ARAP2: variants seen among roughly 807,000 people sequenced by gnomAD.
ARAP2 encodes the protein arf-GAP with Rho-GAP domain, ANK repeat and PH domain-containing protein 2.
ARAP2 carries 148 observed loss-of-function variants against 194.5 expected under a neutral mutation model. The observed-to-expected ratio is 0.76, with a 90% CI of 0.67 to 0.87. The LOEUF is 0.87. Ranked by LOEUF, ARAP2 falls within the 40% of genes least tolerant of loss-of-function variation. The pLI is 0.00. For synonymous variants in ARAP2, 695 were observed against 683.5 expected, an observed-to-expected ratio of 1.02 and a Z score of -0.26; for missense variants, 2,128 against 1,989.7, an observed-to-expected ratio of 1.07 and a Z score of -1.32.
rs1185067882 is a variant in ARAP2 at position 36,212,416 on chromosome 4, G to C, written c.1113C>G (p.Asn371Lys). The C allele has an allele frequency of 5.6e-6, 9 of 1,611,626 alleles. No individual in the cohort carries two copies. Among genetic ancestry groups the C allele is most frequent in the Admixed American group, 1.7e-5 (1 of 59,898 alleles). Residue 371 changes from asparagine (N) to lysine (K), a missense_variant, in exon 5 of 33, where the codon AAC (asparagine) becomes AAG (lysine). Transcript: ENST00000303965. Reference protein sequence around the residue: ...ALKGEAATATNSFIIKSSIYD... With the variant: ...ALKGEAATATKSFIIKSSIYD... ...CATACCTTGATTTGATGATAAAAGA[G>C]TTTGTTGCAGTAGCTGCTTCCCCTT...
At chr4:36,092,684 G>C (rs1249322544) in intron 27 of ARAP2, among the ~76,000 whole-genome samples, 1 of 152,042 alleles carries the variant, frequency 6.6e-6, no homozygotes, top group Non-Finnish European at 1.5e-5. Flanking sequence ...TTTGGATATT[G>C]GATATGTGAT....
At chr4:36,115,782 T>A (rs1024229081) in intron 25 of ARAP2, among the ~76,000 whole-genome samples, 13 of 151,984 alleles carry the variant, frequency 8.6e-5, no homozygotes, top group African/African-American at 3.1e-4. Context: ...TTTTGCAGAA[T>A]CATAAGCATT....
At chr4:36,044,890 C>G (rs572812715) in intron 5 of ARAP2, among the ~76,000 whole-genome samples, 1 of 151,490 alleles carries the variant, frequency 6.6e-6, no homozygotes, top group Non-Finnish European at 1.5e-5. Context: ...ACCAAAGAAC[C>G]TGAATAGACA....
chr4:36,207,439 T>G (rs545682099), intron 6 of ARAP2, among the ~76,000 whole-genome samples: 4 of 152,344 alleles, frequency 2.6e-5, no homozygotes, highest in African/African-American at 9.6e-5. Flanking sequence ...CAATCAAATA[T>G]TTAAACAACT....
At position 36,214,451 on chromosome 4, in the gene ARAP2, G is replaced by GTAGCAACA. The variant is rs776701220; in HGVS notation, c.927_934dup (p.Thr312MetfsTer35). ...CCATGCCACAGATTTTTCAGTTGAGGTAGCAACATTTCTTCTTTCACGGAA... is the reference window on the plus strand; with the variant it reads ...CCATGCCACAGATTTTTCAGTTGAGGTAGCAACATAGCAACATTTCTTCTTTCACGGAA... On this transcript the variant is annotated frameshift_variant, in exon 3 of 33. Transcript: ENST00000303965. LOFTEE classifies it high-confidence loss of function. 2 of 1,593,386 alleles carry GTAGCAACA rather than the reference G, an allele frequency of 1.3e-6. No individual in the cohort carries two copies. The highest frequency in any genetic ancestry group is 1.1e-5 in the South Asian group (1 of 88,126).
chr4:36,159,462 A>G lies in ARAP2; in HGVS notation c.2486T>C (p.Met829Thr). The change falls in exon 14 of 33, where the codon ATG (methionine) becomes ACG (threonine). Residue 829 changes from methionine (M) to threonine (T), a missense_variant. Coordinates refer to ENST00000303965, the MANE Select transcript of ARAP2 (RefSeq NM_015230.4). ...ATCTGCTCCACTGAACAGCAAAGCC[A>G]TTGTTTCTAGAACATCCGGTTTCAC... is the stretch of plus-strand genomic sequence containing the variant. ...AVVKPDVLET[M>T]ALLFSGADVM... 1.3e-6 allele frequency: 2 copies of G among 1,595,960 alleles called. 1 individual carries two copies. Among genetic ancestry groups the G allele is most frequent in the Middle Eastern group, 3.3e-4 (2 of 5,988 alleles).
At chr4:36,083,708 TG>T (rs1414616739) in intron 28 of ARAP2, among the ~76,000 whole-genome samples, 2 of 152,152 alleles carry the variant, frequency 1.3e-5, no homozygotes, top group African/African-American at 4.8e-5. Context: ...GACATGCACA[TG>T]GCTCTATAAT....
chr4:36,228,775 C>G lies in ARAP2; in HGVS notation c.712G>C (p.Glu238Gln). 1 of 1,614,108 alleles carries G rather than the reference C, an allele frequency of 6.2e-7. No homozygotes were observed. The highest frequency in any genetic ancestry group is 8.5e-7 in the Non-Finnish European group (1 of 1,180,012). The change falls in exon 2 of 33, where the codon GAA becomes CAA. Residue 238 changes from glutamate to glutamine, a missense_variant. Glu to Gln is a conservative substitution (Grantham distance 29). Coordinates refer to ENST00000303965, the MANE Select transcript of ARAP2 (RefSeq NM_015230.4). ...AAGAATGGGGATGGTGGTGATCCTT[C>G]TAATAAACCATTTGTTCCATTTCCA... ...NSGNGTNGLL[E>Q]GSPPSPFFKF...
chr4:36,121,381 G>A, intron 22 of ARAP2, 55 bp from the exon 23 acceptor site: 1 of 1,471,332 alleles, frequency 6.8e-7, no homozygotes, highest in East Asian at 2.4e-5. Context: ...AAATTTCATA[G>A]AACAGAAAGC....
intron 3 of ARAP2, among the ~76,000 whole-genome samples, chr4:36,048,855 TC>T (rs1722221403): frequency 6.6e-6 from 1 of 152,134 alleles, no homozygotes; most frequent in Admixed American, 6.5e-5. Context: ...CATTCCCTTT[TC>T]TCTGCAGCCT....
At chr4:36,016,327 A>G (rs1319567298) in intron 6 of ARAP2, among the ~76,000 whole-genome samples, 2 of 152,286 alleles carry the variant, frequency 1.3e-5, no homozygotes, top group East Asian at 3.9e-4. Context: ...CTTCAGGATA[A>G]TGTTTACCTC....
Position 36,160,576 on chromosome 4 carries a change from T to G in ARAP2, c.2325A>C (p.Glu775Asp). ...CTACTGGTGAGTCCATATGTAATTC[T>G]TCATCCTTTTGAAGATTACCAGCCC... ...DFWAGNLQKD[E>D]ELHMDSPVEK... Residue 775 changes from glutamate (E) to aspartate (D), a missense_variant, in exon 13 of 33, where the codon GAA becomes GAC. Transcript: ENST00000303965. 6.5e-7 allele frequency: 1 copy of G among 1,542,250 alleles called. No homozygotes were observed. The highest frequency in any genetic ancestry group is 1.4e-5 in the African/African-American group (1 of 70,280).
chr4:36,141,903 G>T (rs1276782813), intron 19 of ARAP2, among the ~76,000 whole-genome samples: 1 of 151,554 alleles, frequency 6.6e-6, no homozygotes. Flanking sequence ...TACCATTGCT[G>T]ACAGTCATCA....
intron 29 of ARAP2, among the ~76,000 whole-genome samples, chr4:36,082,920 T>C (rs1481810163): frequency 2.0e-5 from 3 of 152,092 alleles, no homozygotes; most frequent in Non-Finnish European, 4.4e-5. Context: ...AAAGTCAGCA[T>C]AGTAAAAAGG....
intron 32 of ARAP2, 81 bp from the exon 33 acceptor site, chr4:36,068,359 T>A (rs1726007455): frequency 7.1e-7 from 1 of 1,400,052 alleles, no homozygotes; most frequent in Admixed American, 2.6e-5. Flanking sequence ...ACATAAAAGT[T>A]GATGCTTCCT....
chr4:36,030,291 T>C (rs910671974), intron 5 of ARAP2, among the ~76,000 whole-genome samples: 6 of 152,122 alleles, frequency 3.9e-5, no homozygotes, highest in Non-Finnish European at 7.4e-5. Flanking sequence ...CAAAGTTATT[T>C]TTCTTTGTAA....
At chr4:36,193,183 A>T (rs1742329589) in intron 7 of ARAP2, among the ~76,000 whole-genome samples, 1 of 152,208 alleles carries the variant, frequency 6.6e-6, no homozygotes, top group African/African-American at 2.4e-5. Context: ...ATGTTGCAGT[A>T]TGTGTTACTG....
At chr4:36,150,797 A>G in intron 16 of ARAP2, 103 bp downstream of exon 16, 1 of 1,287,780 alleles carries the variant, frequency 7.8e-7, no homozygotes, top group Non-Finnish European at 1.1e-6. Flanking sequence ...CAACCCTTCT[A>G]TTAGAAGCAA....
intron 8 of ARAP2, among the ~76,000 whole-genome samples, chr4:36,181,692 A>C (rs1406707989): frequency 2.6e-5 from 4 of 152,228 alleles, no homozygotes; most frequent in Non-Finnish European, 5.9e-5. Flanking sequence ...ACTCACACAA[A>C]TATTTACTAA....
Sources: gnomAD v4.1 joint callset for allele counts (sites outside exome capture counted in the v4.1 genomes callset) on GRCh38, gnomAD v4.1.1 for gene constraint, MANE v1.5 for transcripts, NCBI Gene and HGNC (gene_info 2026-07-23, HGNC 2026-07-21) for gene names.